CACNB2: variants seen among roughly 807,000 people sequenced by gnomAD.
CACNB2 encodes the protein calcium voltage-gated channel auxiliary subunit beta 2, also known as voltage-dependent L-type calcium channel subunit beta-2.
Under a neutral mutation model 73.3 loss-of-function variants are expected in CACNB2, and 42 were observed. The ratio of observed to expected loss-of-function variants is 0.57; its 90% confidence interval spans 0.45 to 0.74. The LOEUF is 0.74. Ranked by LOEUF, CACNB2 falls within the 30% of genes least tolerant of loss-of-function variation. CACNB2 has a pLI of 0.00. For synonymous variants in CACNB2, 348 were observed against 310.3 expected (o/e 1.12, Z -1.28); for missense variants, 940 against 853.0 (o/e 1.10, Z -1.27).
chr10:18,532,149 A>T (rs1483861732), intron 10 of CACNB2, among the ~76,000 whole-genome samples: 1 of 152,188 alleles, frequency 6.6e-6, no homozygotes, highest in African/African-American at 2.4e-5. Context: ...TTTGTCATCG[A>T]TTCTTAAGGT....
intron 3 of CACNB2, among the ~76,000 whole-genome samples, chr10:18,421,532 T>G (rs1006047522): frequency 9.2e-5 from 14 of 152,256 alleles, no homozygotes; most frequent in Middle Eastern, 3.4e-3. Flanking sequence ...ACTCCCGACC[T>G]CAGGTGATCC....
chr10:18,357,071 T>C (rs959329757), intron 2 of CACNB2, among the ~76,000 whole-genome samples: 1 of 148,620 alleles, frequency 6.7e-6, no homozygotes, highest in Admixed American at 6.8e-5. Context: ...CAGCCTCCCG[T>C]GTAGCTGGGA....
intron 2 of CACNB2, among the ~76,000 whole-genome samples, chr10:18,278,301 G>C (rs1032093975): frequency 2.6e-5 from 4 of 152,066 alleles, no homozygotes; most frequent in African/African-American, 9.7e-5. Context: ...GCAACATAGT[G>C]AGACCCTATC....
intron 3 of CACNB2, among the ~76,000 whole-genome samples, chr10:18,468,955 A>G (rs2048040219): frequency 6.6e-6 from 1 of 152,214 alleles, no homozygotes; most frequent in Admixed American, 6.5e-5. Context: ...TGGTTACTAT[A>G]AAATGTTTGC....
At position 18,514,310 on chromosome 10, in the gene CACNB2, A is replaced by G; in HGVS notation, c.745A>G (p.Ser249Gly). Residue 249 changes from serine (S) to glycine (G), a missense_variant, in exon 7 of 14, where the codon AGT (serine) becomes GGT (glycine). Transcript: ENST00000324631. ...AGCAAACCACCGCTCCCCTAAACCCAGTGCAAACAGTGTAACGTCACCCCA... is the reference window on the plus strand; with the variant it reads ...AGCAAACCACCGCTCCCCTAAACCCGGTGCAAACAGTGTAACGTCACCCCA... ...IPANHRSPKP[S>G]ANSVTSPHSK... is the part of the protein sequence containing the mutation. The G allele has an allele frequency of 1.2e-6, 2 of 1,614,196 alleles. No homozygotes were observed. Among genetic ancestry groups the G allele is most frequent in the Non-Finnish European group, 1.7e-6 (2 of 1,180,030 alleles).
At chr10:18,250,852 A>G (rs906583541) in intron 2 of CACNB2, among the ~76,000 whole-genome samples, 7 of 152,212 alleles carry the variant, frequency 4.6e-5, no homozygotes, top group African/African-American at 1.4e-4. Flanking sequence ...TGAAGTGTCC[A>G]TGCACCAAAG....
chr10:18,451,423 A>G (rs1002109718), intron 3 of CACNB2, among the ~76,000 whole-genome samples: 2 of 152,178 alleles, frequency 1.3e-5, no homozygotes, highest in African/African-American at 2.4e-5. Context: ...CATTGCAGTC[A>G]TGGATAGAGA....
chr10:18,459,039 A>G (rs2047429471), intron 3 of CACNB2, among the ~76,000 whole-genome samples: 1 of 152,154 alleles, frequency 6.6e-6, no homozygotes, highest in Non-Finnish European at 1.5e-5. Flanking sequence ...TGCTGGGATT[A>G]CAGGCGCGAG....
chr10:18,310,605 C>CAAAA (rs1157466238), intron 2 of CACNB2, among the ~76,000 whole-genome samples: 3 of 36,864 alleles, frequency 8.1e-5, no homozygotes, highest in Admixed American at 3.7e-4. Flanking sequence ...AACTCCATCT[C>CAAAA]AAAAAAAAAA....
chr10:18,273,488 T>C (rs1355233011), intron 2 of CACNB2, among the ~76,000 whole-genome samples: 2 of 152,084 alleles, frequency 1.3e-5, no homozygotes, highest in East Asian at 3.9e-4. Flanking sequence ...AAGTGAACCA[T>C]GCTCTCCTGT....
chr10:18,401,925 G>C lies in CACNB2; in HGVS notation c.215G>C (p.Gly72Ala), dbSNP rs1299915073. ...DTTSNSFVRQ[G>A]SADSYTSRPS... ...TAAAATGTACATTTTCCTCTCCAGG[G>C]TTCGGCAGACTCCTACACTAGCCGT... Residue 72 changes from glycine to alanine, a missense_variant and splice_region_variant, in exon 3 of 14, where the codon GGT (glycine) becomes GCT (alanine). Transcript: ENST00000324631. 6.2e-7 allele frequency: 1 copy of C among 1,613,972 alleles called. No individual in the cohort carries two copies. Among genetic ancestry groups the C allele is most frequent in the Non-Finnish European group, 8.5e-7 (1 of 1,179,904 alleles).
At chr10:18,276,284 G>C (rs566338537) in intron 2 of CACNB2, among the ~76,000 whole-genome samples, 5 of 152,188 alleles carry the variant, frequency 3.3e-5, no homozygotes, top group Non-Finnish European at 5.9e-5. Flanking sequence ...AACGTCAATC[G>C]TGTACTTGCT....
chr10:18,270,739 C>T (rs2185981), intron 2 of CACNB2, among the ~76,000 whole-genome samples: 1 of 152,058 alleles, frequency 6.6e-6, no homozygotes, highest in Non-Finnish European at 1.5e-5. Context: ...TGCTTTTCCC[C>T]TATCATAACA....
chr10:18,527,744 ATGT>A (rs1245984782), intron 10 of CACNB2, 47 bp downstream of exon 10: 1 of 1,152,392 alleles, frequency 8.7e-7, no homozygotes, highest in Middle Eastern at 1.9e-4. Context: ...TCCTCTCCCG[ATGT>A]TGATGATGAG....
At chr10:18,468,535 T>G (rs1206779425) in intron 3 of CACNB2, among the ~76,000 whole-genome samples, 1 of 152,112 alleles carries the variant, frequency 6.6e-6, no homozygotes, top group Non-Finnish European at 1.5e-5. Context: ...CACCCCAAAC[T>G]TAGTAAATCT....
intron 10 of CACNB2, among the ~76,000 whole-genome samples, chr10:18,532,483 G>C (rs2053128582): frequency 6.6e-6 from 1 of 151,882 alleles, no homozygotes; most frequent in Non-Finnish European, 1.5e-5. Context: ...GACCAGCCTT[G>C]CCAACATGGT....
chr10:18,375,117 C>T (rs931767516), intron 2 of CACNB2, among the ~76,000 whole-genome samples: 1 of 152,098 alleles, frequency 6.6e-6, no homozygotes, highest in African/African-American at 2.4e-5. Flanking sequence ...ACTCGGGAGG[C>T]AGGAAGATTG....
intron 2 of CACNB2, chr10:18,181,990 A>G (rs754681071): frequency 6.6e-6 from 1 of 152,174 alleles, no homozygotes; most frequent in Non-Finnish European, 1.5e-5. Context: ...GGGTTCTCCT[A>G]GTACGTGGCT....
chr10:18,519,205 C>T (rs1307974484), intron 9 of CACNB2, among the ~76,000 whole-genome samples: 1 of 152,176 alleles, frequency 6.6e-6, no homozygotes, highest in African/African-American at 2.4e-5. Context: ...TTGGGCAGGA[C>T]ACCACTGGCC....
Sources: gnomAD v4.1 joint callset for allele counts (sites outside exome capture counted in the v4.1 genomes callset) on GRCh38, gnomAD v4.1.1 for gene constraint, MANE v1.5 for transcripts, NCBI Gene and HGNC (gene_info 2026-07-23, HGNC 2026-07-21) for gene names.